Variants in GSE1 observed in about 807,000 individuals in gnomAD.
GSE1 encodes the protein genetic suppressor element 1.
GSE1 carries 32 observed loss-of-function variants against 112.6 expected under a neutral mutation model. The observed-to-expected ratio is 0.28, with a 90% CI of 0.21 to 0.38. GSE1 has a LOEUF of 0.38. Among genes scored for constraint, GSE1 ranks in the 10% least tolerant of loss-of-function variants. The probability of loss-of-function intolerance (pLI) is 1.00; values close to 1 mark genes in which losing one functional copy is unlikely to be tolerated. For missense variants in GSE1, 2,348 were observed against 1,699.2 expected (o/e 1.38, Z -6.71); for synonymous variants, 1,115 against 735.6 (o/e 1.52, Z -8.35).
chr16:85,578,312 C>T (rs1323082361), intron 1 of GSE1, among the ~76,000 whole-genome samples: 2 of 152,212 alleles, frequency 1.3e-5, no homozygotes, highest in African/African-American at 2.4e-5. Context: ...CCATGGATAA[C>T]GGTGGCAGCC....
chr16:85,546,724 G>C (rs1444887415), intron 2 of GSE1, among the ~76,000 whole-genome samples: 1 of 152,238 alleles, frequency 6.6e-6, no homozygotes, highest in Non-Finnish European at 1.5e-5. Flanking sequence ...CTCTTGGCCA[G>C]AACTTGGTCA....
intron 2 of GSE1, 49 bp from the exon 3 acceptor site, chr16:85,648,503 G>A (rs370769786): frequency 3.8e-5 from 37 of 979,190 alleles, no homozygotes; most frequent in Non-Finnish European, 5.0e-5. Flanking sequence ...GGCACTGCAC[G>A]TGGCTGTCAC....
At chr16:85,319,118 C>T (rs1210518053) in intron 1 of GSE1, among the ~76,000 whole-genome samples, 2 of 152,302 alleles carry the variant, frequency 1.3e-5, no homozygotes, top group Admixed American at 6.5e-5. Context: ...GTATCGCTCA[C>T]CCCCTCCCTT....
intron 1 of GSE1, among the ~76,000 whole-genome samples, chr16:85,235,578 G>T (rs1301982314): frequency 4.9e-5 from 1 of 20,460 alleles, no homozygotes; most frequent in Admixed American, 5.1e-4. Context: ...TGTGTGGGTG[G>T]GGGGGGGGCG....
chr16:85,422,512 G>A (rs1420619426), intron 2 of GSE1, among the ~76,000 whole-genome samples: 1 of 152,048 alleles, frequency 6.6e-6, no homozygotes, highest in African/African-American at 2.4e-5. Flanking sequence ...AGGAGGAGCA[G>A]CGTGCGGGAG....
chr16:85,653,942 G>C (rs1161481087), intron 3 of GSE1, among the ~76,000 whole-genome samples: 1 of 152,124 alleles, frequency 6.6e-6, no homozygotes, highest in Non-Finnish European at 1.5e-5. Context: ...ACCAGGAGGG[G>C]TGGAGGCAGG....
intron 2 of GSE1, among the ~76,000 whole-genome samples, chr16:85,426,592 GAATGGATGGATGGATA>G (rs1439111553): frequency 2.1e-5 from 3 of 146,256 alleles, no homozygotes; most frequent in South Asian, 2.2e-4. Context: ...ATGGGTGAAT[GAATGGATGGATGGATA>G]AATGGAAGAA....
intron 1 of GSE1, among the ~76,000 whole-genome samples, chr16:85,202,443 A>AT (rs957471807): frequency 3.9e-5 from 6 of 152,006 alleles, no homozygotes; most frequent in Non-Finnish European, 8.8e-5. Flanking sequence ...CCCACAGGAC[A>AT]TTTTTTTGTA....
intron 1 of GSE1, among the ~76,000 whole-genome samples, chr16:85,627,403 T>C (rs536452698): frequency 2.1e-4 from 32 of 151,914 alleles, no homozygotes; most frequent in African/African-American, 6.0e-4. Context: ...GAGGCTCACA[T>C]GAAGAAGGGG....
chr16:85,614,937 G>GC (rs2048276430), intron 1 of GSE1, among the ~76,000 whole-genome samples: 2 of 152,226 alleles, frequency 1.3e-5, no homozygotes. Context: ...TTTCCAGGCG[G>GC]CGGGGGACAA....
At chr16:85,235,428 CTG>C (rs60860144) in intron 1 of GSE1, among the ~76,000 whole-genome samples, 16,331 of 126,082 alleles carry the variant, frequency 0.13, 995 homozygotes, top group African/African-American at 0.2. Context: ...TGGAAGGGTA[CTG>C]TGTGTGTGTG....
chr16:85,672,726 C>T lies in GSE1; in HGVS notation c.*187C>T, dbSNP rs1055282680. On this transcript the variant is annotated 3_prime_UTR_variant, in exon 16 of 16. Coordinates refer to ENST00000253458, the MANE Select transcript of GSE1 (RefSeq NM_014615.5). ...CACCTTGACGTCAATGCAATTGAAT[C>T]ACCGTTGTCATTCAGCGAGCAACCA... 9.5e-6 allele frequency: 4 copies of T among 421,826 alleles called. No individual in the cohort carries two copies. The South Asian group carries it at 2.1e-4, about 22-fold the overall frequency. 26.1% of individuals were successfully genotyped at this position (421,826 alleles called of 1,614,324 possible).
rs145023737 is a variant in GSE1 at position 85,230,344 on chromosome 16, T to C, written c.2283+58537T>C. 2.9e-3 allele frequency among the ~76,000 whole-genome samples: 440 copies of C among 152,298 alleles called. 4 individuals are homozygous for C. Among genetic ancestry groups the C allele is most frequent in the South Asian group, 0.023 (109 of 4,828 alleles). The stretch of plus-strand genomic sequence containing the variant: ...GGCTCAGGGCTAAGCTTCTAGAAGG[T>C]TCTAAATCACTTTGTATTATATTGA... On this transcript the variant is annotated intron_variant, in intron 1 of 2. Transcript: ENST00000637419.
chr16:85,267,506 C>T (rs1410012658), intron 1 of GSE1, among the ~76,000 whole-genome samples: 1 of 152,060 alleles, frequency 6.6e-6, no homozygotes, highest in Non-Finnish European at 1.5e-5. Context: ...CACGCATGTA[C>T]AGGTGGGTTA....
At chr16:85,229,979 C>G (rs1383975229) in intron 1 of GSE1, among the ~76,000 whole-genome samples, 1 of 152,174 alleles carries the variant, frequency 6.6e-6, no homozygotes, top group African/African-American at 2.4e-5. Context: ...CAGGGCTGTG[C>G]CACATGCCCA....
Position 85,305,928 on chromosome 16 carries a change from A to G in GSE1, c.2284-51535A>G, listed in dbSNP as rs751949884. On this transcript the variant is annotated intron_variant, in intron 1 of 2. Coordinates refer to the GSE1 transcript ENST00000637419. ...AACATGGTGAAACACCGTCTCTACTAAAAATACAAAAATTAGCCGGATGGT... is the reference window on the plus strand; with the variant it reads ...AACATGGTGAAACACCGTCTCTACTGAAAATACAAAAATTAGCCGGATGGT... Among the ~76,000 whole-genome samples the G allele has an allele frequency of 9.2e-5, 14 of 152,054 alleles. 1 individual carries two copies. The highest frequency in any genetic ancestry group is 2.1e-4 in the South Asian group (1 of 4,830).
intron 1 of GSE1, among the ~76,000 whole-genome samples, chr16:85,302,997 A>T (rs2045569246): frequency 6.6e-6 from 1 of 152,224 alleles, no homozygotes; most frequent in Non-Finnish European, 1.5e-5. Context: ...AGAGGATGGC[A>T]CAGAGGTGAC....
At chr16:85,621,716 C>G (rs2048755165) in intron 1 of GSE1, among the ~76,000 whole-genome samples, 1 of 152,216 alleles carries the variant, frequency 6.6e-6, no homozygotes, top group South Asian at 2.1e-4. Context: ...CCAGCCACGG[C>G]TGGCAGAGTG....
rs142872831 is a variant in GSE1, at chr16:85,394,317, A to G, written c.2464+36674A>G. On this transcript the variant is annotated intron_variant, in intron 2 of 2. Transcript: ENST00000637419. Reference sequence around the variant, plus strand: ...GAGCCATTAGCGCTCATTAAAGTTTAATACCTGTCGGTGCTGGTGCGGCCC... The same window carrying G: ...GAGCCATTAGCGCTCATTAAAGTTTGATACCTGTCGGTGCTGGTGCGGCCC... Among the ~76,000 whole-genome samples, 218 of 152,268 alleles carry G rather than the reference A, an allele frequency of 1.4e-3. 1 individual carries two copies. Among genetic ancestry groups the G allele is most frequent in the African/African-American group, 5.0e-3 (208 of 41,540 alleles).
Sources: allele counts gnomAD v4.1 joint callset (sites outside exome capture counted in the v4.1 genomes callset), GRCh38; gene constraint gnomAD v4.1.1; transcripts MANE v1.5; gene names NCBI Gene and HGNC (gene_info 2026-07-23, HGNC 2026-07-21).